PLXNA4: variants seen among roughly 807,000 people sequenced by gnomAD.
The protein encoded by PLXNA4 is plexin A4.
In PLXNA4, 44 loss-of-function variants were observed where a neutral mutation model predicts 191.8. That is an observed-to-expected ratio of 0.23 (90% confidence interval 0.18 to 0.29). The LOEUF (loss-of-function observed/expected upper bound fraction) is 0.29. PLXNA4 is among the 10% of genes least tolerant of loss of function. The pLI is 1.00. For missense variants in PLXNA4, 1,800 were observed against 2,488.8 expected (o/e 0.72, Z 5.89); for synonymous variants, 1,082 against 1,009.5 (o/e 1.07, Z -1.36).
intron 1 of PLXNA4, among the ~76,000 whole-genome samples, chr7:132,527,038 C>T (rs189251916): frequency 2.6e-5 from 4 of 152,264 alleles, no homozygotes; most frequent in Admixed American, 6.5e-5. Flanking sequence ...CCCCAGGCCC[C>T]GGGTTAAATC....
At position 132,127,298 on chromosome 7, in the gene PLXNA4, A is replaced by C. The variant is rs1414299110; in HGVS notation, c.*3181T>G. The C allele has an allele frequency of 6.6e-6, 1 of 152,072 alleles. No homozygotes were observed. The highest frequency in any genetic ancestry group is 1.5e-5 in the Non-Finnish European group (1 of 68,036). 9.4% of individuals were successfully genotyped at this position (152,072 alleles called of 1,614,324 possible). ...TTCTGTCTGCTCATGACTCAACATA[A>C]TGGTGACCCTACAAATTAACTTTGC... On this transcript the variant is annotated 3_prime_UTR_variant, in exon 32 of 32. Transcript: ENST00000321063.
intron 1 of PLXNA4, among the ~76,000 whole-genome samples, chr7:132,556,430 G>A (rs536136645): frequency 7.9e-5 from 12 of 152,356 alleles, no homozygotes; most frequent in African/African-American, 1.2e-4. Context: ...ACAAATATTG[G>A]TAGGTAGGGT....
At chr7:132,447,551 A>T (rs1795956421) in intron 3 of PLXNA4, among the ~76,000 whole-genome samples, 1 of 152,238 alleles carries the variant, frequency 6.6e-6, no homozygotes, top group Non-Finnish European at 1.5e-5. Context: ...CAAACAGAGG[A>T]TCTCTCATAT....
At chr7:132,565,913 A>C (rs1023622337) in intron 1 of PLXNA4, among the ~76,000 whole-genome samples, 2 of 152,222 alleles carry the variant, frequency 1.3e-5, no homozygotes, top group East Asian at 3.8e-4. Flanking sequence ...ACAGAGCTCC[A>C]GTGCTTGACT....
intron 9 of PLXNA4, among the ~76,000 whole-genome samples, chr7:132,218,345 G>A (rs1798035538): frequency 6.6e-6 from 1 of 152,186 alleles, no homozygotes; most frequent in African/African-American, 2.4e-5. Context: ...GGAGTAGGCA[G>A]GCTGGTTGAA....
At chr7:132,377,104 C>G (rs938651253) in intron 3 of PLXNA4, among the ~76,000 whole-genome samples, 4 of 152,176 alleles carry the variant, frequency 2.6e-5, no homozygotes, top group African/African-American at 9.6e-5. Context: ...GCAATTGGAT[C>G]TCTCTTTCTC....
At chr7:132,267,043 A>G (rs550830179) in intron 4 of PLXNA4, among the ~76,000 whole-genome samples, 1 of 152,170 alleles carries the variant, frequency 6.6e-6, no homozygotes, top group Non-Finnish European at 1.5e-5. Flanking sequence ...AGCTTTGTGA[A>G]GGGCGGGAAT....
chr7:132,398,652 G>A (rs555358941), intron 3 of PLXNA4, among the ~76,000 whole-genome samples: 1 of 152,338 alleles, frequency 6.6e-6, no homozygotes, highest in East Asian at 1.9e-4. Flanking sequence ...CACTCACTGA[G>A]GCCATTGCCA....
intron 30 of PLXNA4, among the ~76,000 whole-genome samples, chr7:132,135,255 G>A (rs550339620): frequency 6.6e-6 from 1 of 152,268 alleles, no homozygotes; most frequent in African/African-American, 2.4e-5. Context: ...AGCCAGCCAC[G>A]CAACTCTGGT....
intron 3 of PLXNA4, among the ~76,000 whole-genome samples, chr7:132,339,808 CTTA>C (rs1585011052): frequency 2.0e-5 from 3 of 152,080 alleles, no homozygotes; most frequent in Admixed American, 2.0e-4. Context: ...GTATTCAGGA[CTTA>C]TTATGATTAG....
chr7:132,496,411 A>AC (rs1038020484), intron 2 of PLXNA4, among the ~76,000 whole-genome samples: 18 of 149,512 alleles, frequency 1.2e-4, no homozygotes, highest in Admixed American at 2.0e-4. Flanking sequence ...AAAAAGCCTG[A>AC]TTTTTTTTTT....
chr7:132,211,274 C>T, intron 9 of PLXNA4, 131 bp from the exon 10 acceptor site: 1 of 895,658 alleles, frequency 1.1e-6, no homozygotes, highest in Non-Finnish European at 1.7e-6. Context: ...CCCTGAGGTG[C>T]TCGTGCCCAC....
Position 132,146,534 on chromosome 7 carries a change from G to A in PLXNA4, c.5031C>T (p.Tyr1677=). 1 of 1,614,144 alleles carries A rather than the reference G, an allele frequency of 6.2e-7. No individual in the cohort carries two copies. The highest frequency in any genetic ancestry group is 1.6e-4 in the Middle Eastern group (1 of 6,062). ...DRGSKMVSEI[Y]LTRLLATKGT... is the part of the protein sequence containing the mutation. Reference sequence around the variant, plus strand: ...CCTTAGTGGCCAGGAGTCGGGTCAGGTAGATTTCAGACACCATCTTGCTCC... The same window carrying A: ...CCTTAGTGGCCAGGAGTCGGGTCAGATAGATTTCAGACACCATCTTGCTCC... Residue 1677 remains tyrosine (Y), a synonymous_variant, in exon 28 of 32, where the codon TAC becomes TAT. Coordinates refer to ENST00000321063, the MANE Select transcript of PLXNA4 (RefSeq NM_020911.2).
At chr7:132,475,566 C>T (rs1220303859) in intron 3 of PLXNA4, among the ~76,000 whole-genome samples, 1 of 152,084 alleles carries the variant, frequency 6.6e-6, no homozygotes, top group Non-Finnish European at 1.5e-5. Context: ...CAGACAAAAG[C>T]ACAGGTCAAG....
rs191960742 is a variant in PLXNA4, at chr7:132,633,577, C to G, written c.-87+12351G>C. Among the ~76,000 whole-genome samples the G allele has an allele frequency of 3.6e-4, 55 of 152,254 alleles. 1 individual carries two copies. Among genetic ancestry groups the G allele is most frequent in the Admixed American group, 1.9e-3 (29 of 15,278 alleles). On this transcript the variant is annotated intron_variant, in intron 2 of 4. Transcript: ENST00000378539. Reference sequence around the variant, plus strand: ...ATTACAGGCGTAAGCCACCACCCCCCACCAAGGTTCTCATTCTTGTGCAGA... The same window carrying G: ...ATTACAGGCGTAAGCCACCACCCCCGACCAAGGTTCTCATTCTTGTGCAGA...
intron 16 of PLXNA4, among the ~76,000 whole-genome samples, chr7:132,183,620 G>A (rs1290008188): frequency 1.3e-5 from 2 of 152,246 alleles, no homozygotes; most frequent in East Asian, 3.8e-4. Context: ...GCAGAGAGTT[G>A]CAAAGTTTGT....
At chr7:132,266,013 A>T (rs73157239) in intron 4 of PLXNA4, among the ~76,000 whole-genome samples, 4,051 of 152,210 alleles carry the variant, frequency 0.027, 60 homozygotes, top group Middle Eastern at 0.048. Flanking sequence ...GAAGAAGTTG[A>T]CTCAGTATCA....
chr7:132,368,931 T>C (rs772903717), intron 3 of PLXNA4, among the ~76,000 whole-genome samples: 2 of 152,212 alleles, frequency 1.3e-5, no homozygotes, highest in Non-Finnish European at 2.9e-5. Flanking sequence ...TGAAAATGTT[T>C]GCCGCTGTCA....
intron 30 of PLXNA4, among the ~76,000 whole-genome samples, chr7:132,136,485 TC>T (rs1294217087): frequency 3.3e-5 from 5 of 152,160 alleles, no homozygotes; most frequent in Non-Finnish European, 5.9e-5. Flanking sequence ...CTTCCCTGGT[TC>T]TTTTTGCTGA....
Sources: allele counts gnomAD v4.1 joint callset (sites outside exome capture counted in the v4.1 genomes callset), GRCh38; gene constraint gnomAD v4.1.1; transcripts MANE v1.5; gene names NCBI Gene and HGNC (gene_info 2026-07-23, HGNC 2026-07-21).